The following BMERB1 variants were observed in gnomAD, a reference collection of about 807,000 sequenced individuals.
The protein encoded by BMERB1 is bMERB domain-containing protein 1.
Under a neutral mutation model 23.6 loss-of-function variants are expected in BMERB1, and 12 were observed. That is an observed-to-expected ratio of 0.51 (90% CI 0.33 to 0.82). BMERB1 has a LOEUF of 0.82. Among genes scored for constraint, BMERB1 ranks in the 40% least tolerant of loss-of-function variants. BMERB1 has a pLI of 0.03. For missense variants in BMERB1, 247 were observed against 255.4 expected, an observed-to-expected ratio of 0.97 and a Z score of 0.22; for synonymous variants, 122 against 96.6, an observed-to-expected ratio of 1.26 and a Z score of -1.54.
intron 1 of BMERB1, among the ~76,000 whole-genome samples, chr16:15,491,771 A>T (rs1243182055): frequency 6.6e-6 from 1 of 152,138 alleles, no homozygotes; most frequent in Non-Finnish European, 1.5e-5. Context: ...TCTGCTGGTC[A>T]TTCAGTGTCA....
chr16:15,484,317 C>T (rs1330817129), intron 1 of BMERB1, among the ~76,000 whole-genome samples: 2 of 152,292 alleles, frequency 1.3e-5, no homozygotes, highest in Non-Finnish European at 2.9e-5. Context: ...CCTTCTCCTG[C>T]CTCTTGACCA....
At chr16:15,540,687 G>C (rs1303831470) in intron 2 of BMERB1, among the ~76,000 whole-genome samples, 2 of 152,214 alleles carry the variant, frequency 1.3e-5, no homozygotes, top group Non-Finnish European at 2.9e-5. Flanking sequence ...GCTGGTGTGA[G>C]GAGGTCAGGC....
At chr16:15,440,117 C>T (rs921087099) in intron 1 of BMERB1, among the ~76,000 whole-genome samples, 13 of 151,532 alleles carry the variant, frequency 8.6e-5, no homozygotes, top group Non-Finnish European at 1.6e-4. Context: ...TGGTGATGGG[C>T]GCCTATAGTC....
At chr16:15,564,498 G>A (rs1033750181) in intron 2 of BMERB1, among the ~76,000 whole-genome samples, 1 of 152,102 alleles carries the variant, frequency 6.6e-6, no homozygotes, top group African/African-American at 2.4e-5. Flanking sequence ...TTCTAAATAG[G>A]ACAATTTAAA....
intron 1 of BMERB1, chr16:15,502,234 TAAA>T: frequency 6.6e-7 from 1 of 1,504,848 alleles, no homozygotes; most frequent in South Asian, 1.2e-5. Flanking sequence ...TCGCAGAAGT[TAAA>T]AAAATGTGCT....
chr16:15,470,826 T>C (rs1267939167), intron 1 of BMERB1, among the ~76,000 whole-genome samples: 130 of 33,402 alleles, frequency 3.9e-3, no homozygotes, highest in African/African-American at 0.023. Flanking sequence ...ACCTGGCCTC[T>C]TTTTTTTTTT....
At chr16:15,572,208 C>G (rs1266117182) in intron 3 of BMERB1, among the ~76,000 whole-genome samples, 1 of 151,898 alleles carries the variant, frequency 6.6e-6, no homozygotes. Context: ...GCCTTGAATT[C>G]CTTGTTGGGA....
chr16:15,461,378 T>C (rs928363569), intron 1 of BMERB1, among the ~76,000 whole-genome samples: 2 of 152,114 alleles, frequency 1.3e-5, no homozygotes, highest in Admixed American at 6.6e-5. Context: ...ATACTTTGCG[T>C]TGGTTCCCAT....
chr16:15,500,927 C>T (rs1436253029), intron 1 of BMERB1, among the ~76,000 whole-genome samples: 1 of 152,192 alleles, frequency 6.6e-6, no homozygotes. Flanking sequence ...GCTGGGATTA[C>T]AGGCGTGAGC....
chr16:15,453,008 A>G (rs1033763981), intron 1 of BMERB1, among the ~76,000 whole-genome samples: 4 of 152,104 alleles, frequency 2.6e-5, no homozygotes, highest in African/African-American at 9.7e-5. Flanking sequence ...AAAAATAACA[A>G]CAACAACAAC....
rs116880536 is a variant in BMERB1, at chr16:15,436,112, A to G, written c.106+1353A>G. ...ATACATGAGATATTTTGATACAGGC[A>G]TACAATGTGTAATAATCACATCAGG... On this transcript the variant is annotated intron_variant, in intron 1 of 5. Transcript: ENST00000300006. Among the ~76,000 whole-genome samples, 131 of 152,256 alleles carry G rather than the reference A, an allele frequency of 8.6e-4. 2 individuals carry two copies. The East Asian group carries it at 0.024, about 28-fold the overall frequency.
intron 1 of BMERB1, among the ~76,000 whole-genome samples, chr16:15,444,123 G>GTTTTCTTTTTTTTTTTTTTT (rs2050966508): frequency 2.8e-5 from 1 of 35,610 alleles, no homozygotes; most frequent in Non-Finnish European, 4.6e-5. Context: ...CACCAGCTTT[G>GTTTTCTTTTTTTTTTTTTTT]TTTTTTTTTT....
intron 2 of BMERB1, among the ~76,000 whole-genome samples, chr16:15,566,236 G>T (rs971117350): frequency 2.6e-5 from 4 of 152,198 alleles, no homozygotes; most frequent in Non-Finnish European, 5.9e-5. Context: ...AAATTATAAT[G>T]TGTAATGCAA....
At chr16:15,537,683 G>T (rs953371730) in intron 2 of BMERB1, among the ~76,000 whole-genome samples, 2 of 151,230 alleles carry the variant, frequency 1.3e-5, no homozygotes, top group African/African-American at 4.9e-5. Flanking sequence ...TTAAGAGACG[G>T]GCTTTCACTC....
At chr16:15,586,413 T>C (rs1240186642) in intron 5 of BMERB1, among the ~76,000 whole-genome samples, 1 of 152,226 alleles carries the variant, frequency 6.6e-6, no homozygotes, top group African/African-American at 2.4e-5. Flanking sequence ...ACTTCTTGGA[T>C]GTCAGGCCCT....
chr16:15,538,557 G>A (rs1356872703), intron 2 of BMERB1, among the ~76,000 whole-genome samples: 1 of 152,144 alleles, frequency 6.6e-6, no homozygotes, highest in Non-Finnish European at 1.5e-5. Flanking sequence ...TCATGCTGCT[G>A]CTTAGACCTG....
chr16:15,575,494 C>G (rs965014221), intron 3 of BMERB1, among the ~76,000 whole-genome samples: 28 of 152,114 alleles, frequency 1.8e-4, no homozygotes, highest in African/African-American at 6.5e-4. Context: ...GGGTGGGGGT[C>G]TCCCACAGAC....
At chr16:15,569,565 T>A (rs898189179) in intron 3 of BMERB1, among the ~76,000 whole-genome samples, 1 of 152,118 alleles carries the variant, frequency 6.6e-6, no homozygotes, top group African/African-American at 2.4e-5. Flanking sequence ...GGTATTACAT[T>A]TCAATATGAG....
At chr16:15,500,349 A>T in intron 1 of BMERB1, among the ~76,000 whole-genome samples, 1 of 152,088 alleles carries the variant, frequency 6.6e-6, no homozygotes, top group East Asian at 1.9e-4. Flanking sequence ...GTCTCGTGTG[A>T]CCTGTGGCTC....
Sources: allele counts gnomAD v4.1 joint callset (sites outside exome capture counted in the v4.1 genomes callset), GRCh38; gene constraint gnomAD v4.1.1; transcripts MANE v1.5; gene names NCBI Gene and HGNC (gene_info 2026-07-23, HGNC 2026-07-21).